LRP12: variants seen among roughly 807,000 people sequenced by gnomAD.
LRP12 encodes low-density lipoprotein receptor-related protein 12.
Under a neutral mutation model 66.0 loss-of-function variants are expected in LRP12, and 14 were observed. The ratio of observed to expected loss-of-function variants is 0.21; its 90% CI spans 0.14 to 0.33. LRP12 has a LOEUF of 0.33. Among genes scored for constraint, LRP12 ranks in the 10% least tolerant of loss-of-function variants. LRP12 has a pLI of 1.00. For missense variants in LRP12, 889 were observed against 1,053.4 expected, an observed-to-expected ratio of 0.84 and a Z score of 2.16; for synonymous variants, 357 against 359.1, an observed-to-expected ratio of 0.99 and a Z score of 0.07.
intron 1 of LRP12, among the ~76,000 whole-genome samples, chr8:104,534,622 T>C (rs1811369557): frequency 1.3e-5 from 2 of 151,990 alleles, no homozygotes; most frequent in Non-Finnish European, 2.9e-5. Flanking sequence ...GAAAACATGA[T>C]ACTGCTAATT....
intron 1 of LRP12, 147 bp from the exon 2 acceptor site, chr8:104,532,110 C>G: frequency 1.9e-6 from 1 of 531,102 alleles, no homozygotes; most frequent in South Asian, 3.1e-5. Flanking sequence ...CAAGACAATA[C>G]TAGGAAGCTC....
At chr8:104,584,308 T>C (rs1008896536) in intron 1 of LRP12, among the ~76,000 whole-genome samples, 12 of 151,954 alleles carry the variant, frequency 7.9e-5, no homozygotes, top group Admixed American at 3.3e-4. Flanking sequence ...CTTAAATCTA[T>C]ATAATTCTCA....
chr8:104,571,091 T>A (rs1812073820), intron 1 of LRP12, among the ~76,000 whole-genome samples: 1 of 152,192 alleles, frequency 6.6e-6, no homozygotes, highest in South Asian at 2.1e-4. Context: ...GCAGAGCAAC[T>A]GAAACACTCC....
intron 1 of LRP12, among the ~76,000 whole-genome samples, chr8:104,550,951 C>T (rs1811716274): frequency 6.6e-6 from 1 of 152,164 alleles, no homozygotes; most frequent in Non-Finnish European, 1.5e-5. Context: ...AAAGGTACAT[C>T]TGACATTAAC....
chr8:104,526,001 T>C (rs992214917), intron 2 of LRP12, among the ~76,000 whole-genome samples: 9 of 152,154 alleles, frequency 5.9e-5, no homozygotes, highest in Non-Finnish European at 8.8e-5. Flanking sequence ...ACAAAATCAA[T>C]TGTACAAAAA....
chr8:104,573,063 T>C (rs1332266474), intron 1 of LRP12, among the ~76,000 whole-genome samples: 1 of 152,232 alleles, frequency 6.6e-6, no homozygotes, highest in African/African-American at 2.4e-5. Context: ...AATTTCTTAA[T>C]ACTCGATTGT....
chr8:104,521,093 C>T (rs1811142225), intron 2 of LRP12, among the ~76,000 whole-genome samples: 1 of 151,876 alleles, frequency 6.6e-6, no homozygotes, highest in Admixed American at 6.6e-5. Flanking sequence ...AATGAGTATT[C>T]CTTATTCAAA....
rs1810756782 is a variant in LRP12, at chr8:104,497,648, T to C, written c.904A>G (p.Thr302Ala). The C allele has an allele frequency of 6.2e-7, 1 of 1,614,132 alleles. No homozygotes were observed. Among genetic ancestry groups the C allele is most frequent in the Non-Finnish European group, 8.5e-7 (1 of 1,180,022 alleles). The change falls in exon 5 of 7, where the codon ACT (threonine) becomes GCT (alanine). Residue 302 changes from threonine to alanine, a missense_variant. Thr to Ala is a moderately conservative substitution (Grantham distance 58). Coordinates refer to ENST00000276654, the MANE Select transcript of LRP12 (RefSeq NM_013437.5). The surrounding 1 kb of genome is among the most constrained non-coding windows in gnomAD (Gnocchi z 4.3). ...CCAGTACCATCAAGTTTAAAGTCAG[T>C]GAAGCGTAAAATGACTTTACGGTGA... ...GDHRKVILRF[T>A]DFKLDGTGYG...
At chr8:104,499,669 A>G (rs1810794146) in intron 3 of LRP12, 150 bp from the exon 4 acceptor site, 1 of 561,704 alleles carries the variant, frequency 1.8e-6, no homozygotes, top group Non-Finnish European at 3.1e-6. Flanking sequence ...TTAGCAAATA[A>G]TAATACTAAT....
At chr8:104,573,076 T>G (rs1812106514) in intron 1 of LRP12, among the ~76,000 whole-genome samples, 1 of 152,162 alleles carries the variant, frequency 6.6e-6, no homozygotes, top group Non-Finnish European at 1.5e-5. Flanking sequence ...TCGATTGTAT[T>G]TTTCATATGG....
chr8:104,536,774 T>A (rs1362366304), intron 1 of LRP12, among the ~76,000 whole-genome samples: 1 of 151,870 alleles, frequency 6.6e-6, no homozygotes, highest in Non-Finnish European at 1.5e-5. Context: ...TAAAACTGTG[T>A]CCATGTGCAG....
chr8:104,586,649 T>C (rs576164520), intron 1 of LRP12, among the ~76,000 whole-genome samples: 6 of 152,302 alleles, frequency 3.9e-5, no homozygotes, highest in African/African-American at 7.2e-5. Flanking sequence ...CCCACTATTG[T>C]TATAGAACCA....
At chr8:104,499,588 C>T (rs571107214) in intron 3 of LRP12, 69 bp from the exon 4 acceptor site, 2 of 1,060,094 alleles carry the variant, frequency 1.9e-6, no homozygotes, top group South Asian at 1.5e-5. Flanking sequence ...TACAAAGTAA[C>T]TGAGGATATT....
chr8:104,560,409 A>T (rs1811886473), intron 1 of LRP12, among the ~76,000 whole-genome samples: 1 of 152,214 alleles, frequency 6.6e-6, no homozygotes. Context: ...CGGTGTGCTT[A>T]CATTGACAAA....
At chr8:104,538,956 AAAC>A (rs1370620805) in intron 1 of LRP12, among the ~76,000 whole-genome samples, 1 of 152,204 alleles carries the variant, frequency 6.6e-6, no homozygotes, top group Non-Finnish European at 1.5e-5. Context: ...CTGAAAAAGC[AAAC>A]GACAGAGGAC....
chr8:104,535,259 TGAGA>T (rs982714404), intron 1 of LRP12, among the ~76,000 whole-genome samples: 107 of 152,030 alleles, frequency 7.0e-4, no homozygotes, highest in African/African-American at 2.3e-3. Context: ...GACTACAATA[TGAGA>T]GAGAATCAAC....
chr8:104,577,541 T>C (rs1016080143), intron 1 of LRP12, among the ~76,000 whole-genome samples: 11 of 152,114 alleles, frequency 7.2e-5, no homozygotes, highest in Admixed American at 7.2e-4. Flanking sequence ...CCGGGAGCAG[T>C]GGCTCACGCC....
chr8:104,586,616 T>C (rs183011644), intron 1 of LRP12, among the ~76,000 whole-genome samples: 63 of 152,294 alleles, frequency 4.1e-4, no homozygotes, highest in Non-Finnish European at 7.5e-4. Flanking sequence ...TTACAACTAC[T>C]ATATATTCTA....
intron 1 of LRP12, among the ~76,000 whole-genome samples, chr8:104,583,217 A>G (rs1233312143): frequency 6.6e-6 from 1 of 152,174 alleles, no homozygotes; most frequent in East Asian, 1.9e-4. Context: ...TCACTTAAAT[A>G]GTTAAAATAA....
Sources: gnomAD v4.1 joint callset for allele counts (sites outside exome capture counted in the v4.1 genomes callset) on GRCh38, gnomAD v4.1.1 for gene constraint, Gnocchi (gnomAD v3.1) non-coding constraint, MANE v1.5 for transcripts, NCBI Gene and HGNC (gene_info 2026-07-23, HGNC 2026-07-21) for gene names.